SNX8: variants seen among roughly 807,000 people sequenced by gnomAD.
SNX8 encodes the protein sorting nexin-8.
In SNX8, 25 loss-of-function variants were observed where a neutral mutation model predicts 51.6. That is an observed-to-expected ratio of 0.48 (90% CI 0.35 to 0.68). SNX8 has a LOEUF of 0.68. Among genes scored for constraint, SNX8 ranks in the 30% least tolerant of loss-of-function variants. The pLI is 0.00. For synonymous variants in SNX8, 324 were observed against 277.0 expected (o/e 1.17, Z -1.68); for missense variants, 695 against 624.0 (o/e 1.11, Z -1.21).
chr7:2,309,871 C>A (rs747735134), intron 1 of SNX8: 1 of 471,028 alleles, frequency 2.1e-6, no homozygotes, highest in South Asian at 1.5e-5. Flanking sequence ...GTCGCCCAGG[C>A]AAGAGGGGAA....
chr7:2,291,142 G>T (rs1303342955), intron 1 of SNX8, among the ~76,000 whole-genome samples: 1 of 151,494 alleles, frequency 6.6e-6, no homozygotes, highest in African/African-American at 2.4e-5. Flanking sequence ...CCAAAAAAAA[G>T]AAAAAAAACC....
chr7:2,332,545 G>C (rs1351562532), intron 1 of SNX8, among the ~76,000 whole-genome samples: 2 of 152,058 alleles, frequency 1.3e-5, no homozygotes, highest in Non-Finnish European at 2.9e-5. Context: ...CTTGACCCAG[G>C]AGTTTGAGAC....
intron 1 of SNX8, among the ~76,000 whole-genome samples, chr7:2,285,005 G>A (rs958304338): frequency 6.6e-6 from 1 of 151,848 alleles, no homozygotes; most frequent in African/African-American, 2.4e-5. Context: ...AAGGTCAGGA[G>A]ATCGAGACCA....
rs370481721 is a variant in SNX8, at chr7:2,254,859, G to A, written c.*197C>T. ...CGACCAGGCTAGCAGGCCACAGGGC[G>A]AAGGACAGTGTGGCCCAGCTGCCCC... On this transcript the variant is annotated 3_prime_UTR_variant, in exon 11 of 11. Transcript: ENST00000222990. 8 of 610,494 alleles carry A rather than the reference G, an allele frequency of 1.3e-5. No homozygotes were observed. The highest frequency in any genetic ancestry group is 1.8e-5 in the Non-Finnish European group (6 of 338,004). The allele number at this position is 610,494 out of a possible 1,614,324, so 37.8% of individuals were successfully genotyped here.
intron 1 of SNX8, among the ~76,000 whole-genome samples, chr7:2,288,884 T>G (rs993592310): frequency 1.3e-5 from 2 of 152,094 alleles, no homozygotes; most frequent in African/African-American, 4.8e-5. Flanking sequence ...CACAGGCACA[T>G]GCCACCACAC....
intron 1 of SNX8, among the ~76,000 whole-genome samples, chr7:2,321,174 G>T (rs1222359260): frequency 1.3e-5 from 2 of 152,170 alleles, no homozygotes; most frequent in African/African-American, 4.8e-5. Context: ...CACACACGCA[G>T]AATAAAGCCA....
rs866188798 is a variant in SNX8, at chr7:2,348,486, G to A, written c.-66+5736C>T. On this transcript the variant is annotated intron_variant, in intron 1 of 5. Coordinates refer to the SNX8 transcript ENST00000435336. Reference sequence around the variant, plus strand: ...CTCCCGAGTAGCTGGGACTACAGGCGCCCGCCACCAGGCCCGGCTAATTTT... The same window carrying A: ...CTCCCGAGTAGCTGGGACTACAGGCACCCGCCACCAGGCCCGGCTAATTTT... Among the ~76,000 whole-genome samples, 234 of 151,576 alleles carry A rather than the reference G, an allele frequency of 1.5e-3. 3 individuals carry two copies. The highest frequency in any genetic ancestry group is 4.4e-3 in the Admixed American group (67 of 15,244).
At chr7:2,324,822 T>G (rs1407335253) in intron 1 of SNX8, among the ~76,000 whole-genome samples, 2 of 152,096 alleles carry the variant, frequency 1.3e-5, no homozygotes, top group Non-Finnish European at 2.9e-5. Flanking sequence ...TTTTAATTTT[T>G]TGAGACAGGG....
chr7:2,352,999 C>T (rs1779188142), intron 1 of SNX8, among the ~76,000 whole-genome samples: 1 of 152,110 alleles, frequency 6.6e-6, no homozygotes, highest in African/African-American at 2.4e-5. Flanking sequence ...CTCTTTTAAA[C>T]ACCGTTAGGA....
intron 1 of SNX8, among the ~76,000 whole-genome samples, chr7:2,297,379 C>T (rs1156393505): frequency 6.6e-6 from 1 of 151,278 alleles, no homozygotes; most frequent in Non-Finnish European, 1.5e-5. Context: ...GGTGAAACCC[C>T]ATCTCTACTA....
At chr7:2,312,495 G>A (rs895425603) in intron 1 of SNX8, among the ~76,000 whole-genome samples, 9 of 152,060 alleles carry the variant, frequency 5.9e-5, no homozygotes, top group Admixed American at 3.9e-4. Flanking sequence ...TCTAATCAGC[G>A]AGAACTATCA....
intron 1 of SNX8, among the ~76,000 whole-genome samples, chr7:2,312,828 CAGGA>C (rs1297563167): frequency 6.6e-6 from 1 of 152,102 alleles, no homozygotes; most frequent in African/African-American, 2.4e-5. Context: ...GCTAGGACCA[CAGGA>C]AGGAACATCC....
intron 1 of SNX8, among the ~76,000 whole-genome samples, chr7:2,347,179 CAAT>C (rs375099946): frequency 2.6e-5 from 4 of 151,944 alleles, no homozygotes; most frequent in African/African-American, 9.7e-5. Flanking sequence ...CTCCACAAAA[CAAT>C]AATAATAAGA....
intron 1 of SNX8, among the ~76,000 whole-genome samples, chr7:2,301,292 TG>T (rs1305239196): frequency 6.6e-6 from 1 of 151,650 alleles, no homozygotes; most frequent in African/African-American, 2.4e-5. Context: ...GCCCCACACC[TG>T]GTGTGAATCC....
At chr7:2,317,259 T>C (rs1316797352), upstream of SNX8, among the ~76,000 whole-genome samples, 1 of 65,484 alleles carries the variant, frequency 1.5e-5, no homozygotes, top group Non-Finnish European at 2.6e-5. Context: ...TTCTTTTTTT[T>C]TTTTTTTTTT....
At chr7:2,353,534 G>GGCCTCC (rs1329497912) in intron 1 of SNX8, among the ~76,000 whole-genome samples, 1 of 151,996 alleles carries the variant, frequency 6.6e-6, no homozygotes, top group Non-Finnish European at 1.5e-5. Flanking sequence ...CTCCTGTCTT[G>GGCCTCC]GCCTCCCAAA....
chr7:2,269,983 A>T (rs1317806537), intron 4 of SNX8, among the ~76,000 whole-genome samples: 1 of 151,948 alleles, frequency 6.6e-6, no homozygotes, highest in Non-Finnish European at 1.5e-5. Context: ...CCATCCACAG[A>T]CCCGGGGCGG....
intron 1 of SNX8, among the ~76,000 whole-genome samples, chr7:2,303,124 CCCGGCCAGCCGCCCCGT>C (rs1010314679): frequency 7.0e-6 from 1 of 142,934 alleles, no homozygotes; most frequent in Non-Finnish European, 1.5e-5. Context: ...CAGCCCCCCG[CCCGGCCAGCCGCCCCGT>C]CCGGGAGGTG....
intron 7 of SNX8, among the ~76,000 whole-genome samples, 185 bp from the exon 8 acceptor site, chr7:2,257,988 A>T (rs1276618016): frequency 6.9e-6 from 1 of 144,358 alleles, no homozygotes; most frequent in African/African-American, 2.6e-5. Flanking sequence ...CCAGGCGGAC[A>T]CGCCTTCGAG....
Sources: allele counts gnomAD v4.1 joint callset (sites outside exome capture counted in the v4.1 genomes callset), GRCh38; gene constraint gnomAD v4.1.1; transcripts MANE v1.5; gene names NCBI Gene and HGNC (gene_info 2026-07-23, HGNC 2026-07-21).